NALF1: variants seen among roughly 807,000 people sequenced by gnomAD.
NALF1 encodes family with sequence similarity 155 member A.
A neutral mutation model predicts 48.4 loss-of-function variants in NALF1; 3 were observed. That is an observed-to-expected ratio of 0.06 (90% CI 0.03 to 0.16). The LOEUF (loss-of-function observed/expected upper bound fraction) is 0.16, where lower values mean the gene tolerates loss of function less well. NALF1 is among the 10% of genes least tolerant of loss of function. The pLI, the probability that NALF1 is intolerant of heterozygous loss-of-function variation, is 1.00. For missense variants in NALF1, 526 were observed against 571.5 expected (o/e 0.92, Z 0.81); for synonymous variants, 262 against 245.7 (o/e 1.07, Z -0.62).
At chr13:107,740,830 A>T (rs2138544043) in intron 1 of NALF1, among the ~76,000 whole-genome samples, 1 of 152,340 alleles carries the variant, frequency 6.6e-6, no homozygotes, top group African/African-American at 2.4e-5. Context: ...CCCTGCTGGA[A>T]TCTCCATTGG....
intron 1 of NALF1, among the ~76,000 whole-genome samples, chr13:107,300,586 T>TA (rs1374675542): frequency 2.0e-5 from 3 of 152,304 alleles, no homozygotes; most frequent in South Asian, 2.1e-4. Flanking sequence ...TTGGTTGTAA[T>TA]AAAAAATAGG....
intron 1 of NALF1, among the ~76,000 whole-genome samples, chr13:107,399,077 A>G (rs1883760383): frequency 6.6e-6 from 1 of 152,084 alleles, no homozygotes; most frequent in African/African-American, 2.4e-5. Flanking sequence ...TAAAACCAAT[A>G]CTGTTATAGA....
intron 1 of NALF1, among the ~76,000 whole-genome samples, chr13:107,766,314 G>A (rs142479801): frequency 1.3e-5 from 2 of 152,140 alleles, no homozygotes; most frequent in Admixed American, 6.6e-5. Flanking sequence ...TAGCAGCTGC[G>A]TGAGAAATGC....
intron 1 of NALF1, among the ~76,000 whole-genome samples, chr13:107,565,327 G>A (rs1253974517): frequency 2.7e-5 from 4 of 148,908 alleles, no homozygotes; most frequent in Admixed American, 6.7e-5. Context: ...CAAGGCTCCA[G>A]TGAGCTGCCA....
intron 1 of NALF1, among the ~76,000 whole-genome samples, chr13:107,472,906 G>A (rs1276277349): frequency 6.6e-6 from 1 of 152,138 alleles, no homozygotes; most frequent in African/African-American, 2.4e-5. Context: ...TGTCCCTCTA[G>A]AGAACCCTGA....
chr13:107,340,243 C>G (rs1047698110), intron 1 of NALF1, among the ~76,000 whole-genome samples: 3 of 151,094 alleles, frequency 2.0e-5, no homozygotes, highest in Non-Finnish European at 4.4e-5. Flanking sequence ...CGGGTTCAAG[C>G]GATTCTCCTG....
At chr13:107,236,832 T>G (rs74532216) in intron 1 of NALF1, among the ~76,000 whole-genome samples, 11,534 of 152,256 alleles carry the variant, frequency 0.076, 517 homozygotes, top group African/African-American at 0.12. Flanking sequence ...TGTTTTTGTC[T>G]GTACTGAACA....
intron 1 of NALF1, among the ~76,000 whole-genome samples, chr13:107,229,911 G>A (rs897649060): frequency 8.5e-5 from 13 of 152,178 alleles, no homozygotes; most frequent in African/African-American, 3.1e-4. Context: ...AGTGCAAGAG[G>A]TAAGAAAAAC....
chr13:107,859,299 C>G (rs995890041), intron 1 of NALF1, among the ~76,000 whole-genome samples: 1 of 152,146 alleles, frequency 6.6e-6, no homozygotes, highest in African/African-American at 2.4e-5. Context: ...TGCATTCACC[C>G]ACCACACATG....
chr13:107,218,011 A>C (rs1346628277), intron 1 of NALF1, among the ~76,000 whole-genome samples: 2 of 152,086 alleles, frequency 1.3e-5, no homozygotes, highest in African/African-American at 4.8e-5. Context: ...TAACCGATTC[A>C]CAGCTCTGCG....
At chr13:107,700,382 T>A (rs1035031913) in intron 1 of NALF1, among the ~76,000 whole-genome samples, 1 of 151,822 alleles carries the variant, frequency 6.6e-6, no homozygotes, top group Non-Finnish European at 1.5e-5. Flanking sequence ...GGACATCAAG[T>A]GAACATAATA....
At chr13:107,540,142 C>T (rs1410388501) in intron 1 of NALF1, among the ~76,000 whole-genome samples, 1 of 151,416 alleles carries the variant, frequency 6.6e-6, no homozygotes, top group Admixed American at 6.6e-5. Context: ...ACAGCTAAGT[C>T]GTTGCTTGTT....
intron 2 of NALF1, 123 bp downstream of exon 2, chr13:107,210,461 G>A (rs1594071660): frequency 1.0e-5 from 7 of 695,334 alleles, no homozygotes; most frequent in African/African-American, 3.6e-5. Context: ...GTGAAAGTGC[G>A]GAAAACTACC....
chr13:107,411,364 T>TG (rs1302547874), intron 1 of NALF1, among the ~76,000 whole-genome samples: 7 of 150,004 alleles, frequency 4.7e-5, no homozygotes, highest in Admixed American at 1.3e-4. Flanking sequence ...CAGGCTGGAG[T>TG]GCAAATGGGA....
Position 107,647,761 on chromosome 13 carries a change from G to A in NALF1, c.915+217921C>T, listed in dbSNP as rs540768874. ...ATAATTAAGGAATATTTATATTATG[G>A]GTGTATAGTAAACATTACATAATGC... is the stretch of plus-strand genomic sequence containing the variant. On this transcript the variant is annotated intron_variant, in intron 1 of 2. Transcript: ENST00000375915. 1.1e-4 allele frequency among the ~76,000 whole-genome samples: 17 copies of A among 151,856 alleles called. No homozygotes were observed. The South Asian group carries it at 2.7e-3, about 24-fold the overall frequency.
chr13:107,578,537 A>C (rs1220076241), intron 1 of NALF1, among the ~76,000 whole-genome samples: 3 of 152,220 alleles, frequency 2.0e-5, no homozygotes, highest in South Asian at 4.1e-4. Context: ...CTACCACAAC[A>C]ACCTCAGCCC....
chr13:107,191,890 C>T (rs1879290625), intron 2 of NALF1, among the ~76,000 whole-genome samples: 1 of 145,022 alleles, frequency 6.9e-6, no homozygotes, highest in African/African-American at 2.6e-5. Flanking sequence ...CCATATTGGC[C>T]AGGCTGGTCT....
chr13:107,502,403 GT>G (rs1875553143), intron 1 of NALF1, among the ~76,000 whole-genome samples: 1 of 152,038 alleles, frequency 6.6e-6, no homozygotes, highest in Admixed American at 6.6e-5. Context: ...ACATCATATT[GT>G]TTGGCTTAAT....
At chr13:107,629,758 T>C (rs565604814) in intron 1 of NALF1, among the ~76,000 whole-genome samples, 50 of 152,338 alleles carry the variant, frequency 3.3e-4, no homozygotes, top group Admixed American at 1.5e-3. Flanking sequence ...TTTACAGTTT[T>C]TACACTTCAT....
Sources: allele counts gnomAD v4.1 joint callset (sites outside exome capture counted in the v4.1 genomes callset), GRCh38; gene constraint gnomAD v4.1.1; transcripts MANE v1.5; gene names NCBI Gene and HGNC (gene_info 2026-07-23, HGNC 2026-07-21).